Variants in RASGRF2 observed in about 807,000 individuals in gnomAD.
RASGRF2 encodes ras-specific guanine nucleotide-releasing factor 2.
In RASGRF2, 76 loss-of-function variants were observed where a neutral mutation model predicts 151.0. That is an observed-to-expected ratio of 0.50 (90% CI 0.42 to 0.61). RASGRF2 has a LOEUF of 0.61. Among genes scored for constraint, RASGRF2 ranks in the 20% least tolerant of loss-of-function variants. The probability of loss-of-function intolerance (pLI) is 0.00; values close to 1 mark genes in which losing one functional copy is unlikely to be tolerated. For missense variants in RASGRF2, 1,148 were observed against 1,564.6 expected (o/e 0.73, Z 4.49); for synonymous variants, 504 against 566.5 (o/e 0.89, Z 1.57).
At chr5:81,192,574 C>T (rs565891653) in intron 18 of RASGRF2, among the ~76,000 whole-genome samples, 1 of 152,206 alleles carries the variant, frequency 6.6e-6, no homozygotes, top group Non-Finnish European at 1.5e-5. Flanking sequence ...GGCCGGTGAG[C>T]AAGGCGAGCG....
chr5:81,112,366 T>C (rs994336081), intron 13 of RASGRF2, among the ~76,000 whole-genome samples: 6 of 152,114 alleles, frequency 3.9e-5, no homozygotes, highest in Non-Finnish European at 5.9e-5. Context: ...TGTGCATAGG[T>C]TATGTGGAAA....
intron 1 of RASGRF2, among the ~76,000 whole-genome samples, chr5:80,974,868 T>G (rs1748061105): frequency 6.6e-6 from 1 of 152,098 alleles, no homozygotes; most frequent in Admixed American, 6.6e-5. Flanking sequence ...GCCCTGTTAT[T>G]TTTTTTTCAG....
At chr5:81,151,235 C>T (rs913334156) in intron 17 of RASGRF2, among the ~76,000 whole-genome samples, 5 of 152,180 alleles carry the variant, frequency 3.3e-5, no homozygotes, top group Admixed American at 2.0e-4. Context: ...GGAGAGGCAT[C>T]CCCTGAGCAT....
At chr5:81,087,307 G>T (rs1752265788) in intron 9 of RASGRF2, 1 of 703,092 alleles carries the variant, frequency 1.4e-6, no homozygotes, top group Non-Finnish European at 2.6e-6. Context: ...CAAGGCCCAG[G>T]AGAAACTTGC....
intron 1 of RASGRF2, among the ~76,000 whole-genome samples, chr5:80,973,151 G>A (rs529082080): frequency 6.6e-6 from 1 of 152,290 alleles, no homozygotes; most frequent in East Asian, 1.9e-4. Flanking sequence ...GAAAGTGCAG[G>A]AACTGGGCCT....
intron 1 of RASGRF2, among the ~76,000 whole-genome samples, chr5:80,996,001 T>C (rs1236133951): frequency 6.6e-6 from 1 of 152,048 alleles, no homozygotes; most frequent in African/African-American, 2.4e-5. Context: ...CCCCAAACCA[T>C]TGTTTCTTGA....
At chr5:81,030,768 T>C (rs1020157197) in intron 1 of RASGRF2, among the ~76,000 whole-genome samples, 1 of 152,164 alleles carries the variant, frequency 6.6e-6, no homozygotes, top group Non-Finnish European at 1.5e-5. Flanking sequence ...CCAGCTAACA[T>C]CATAATGACA....
intron 17 of RASGRF2, among the ~76,000 whole-genome samples, chr5:81,159,856 T>A (rs4704703): frequency 0.35 from 53,823 of 152,088 alleles, 11,375 homozygotes; most frequent in African/African-American, 0.6. Context: ...CTAGTGTCCA[T>A]GCTAACGGCA....
intron 1 of RASGRF2, among the ~76,000 whole-genome samples, chr5:80,994,161 C>G (rs113429400): frequency 1.8e-4 from 27 of 151,750 alleles, no homozygotes; most frequent in South Asian, 6.2e-4. Context: ...GTCAGGAGAT[C>G]GAGACCATCC....
At chr5:81,108,527 T>C (rs78530156) in intron 12 of RASGRF2, among the ~76,000 whole-genome samples, 3,973 of 152,280 alleles carry the variant, frequency 0.026, 72 homozygotes, top group Middle Eastern at 0.048. Flanking sequence ...AGCTTACTAG[T>C]GAGACAGAAG....
intron 17 of RASGRF2, among the ~76,000 whole-genome samples, chr5:81,135,144 C>G (rs1260581715): frequency 7.4e-6 from 1 of 135,156 alleles, no homozygotes; most frequent in Non-Finnish European, 1.6e-5. Context: ...CCATTTCTAC[C>G]AAAAAAAAAA....
intron 1 of RASGRF2, among the ~76,000 whole-genome samples, chr5:81,036,079 G>A (rs1750482286): frequency 6.6e-6 from 1 of 152,116 alleles, no homozygotes; most frequent in Non-Finnish European, 1.5e-5. Flanking sequence ...TGGAGAAAAT[G>A]TACCAACAAA....
At chr5:81,050,255 T>C (rs1750969545) in intron 2 of RASGRF2, among the ~76,000 whole-genome samples, 1 of 152,186 alleles carries the variant, frequency 6.6e-6, no homozygotes, top group African/African-American at 2.4e-5. Context: ...ATCGATTCTC[T>C]ACAGTTACTA....
intron 15 of RASGRF2, among the ~76,000 whole-genome samples, chr5:81,121,170 T>C (rs1022455237): frequency 2.0e-5 from 3 of 152,056 alleles, no homozygotes; most frequent in Non-Finnish European, 2.9e-5. Flanking sequence ...TCTTAAAAAT[T>C]TGAGTTGACA....
intron 17 of RASGRF2, among the ~76,000 whole-genome samples, chr5:81,173,855 GA>G (rs1425251391): frequency 6.6e-6 from 1 of 152,198 alleles, no homozygotes; most frequent in Non-Finnish European, 1.5e-5. Flanking sequence ...CTGCTTTATA[GA>G]GAAAACTTCA....
rs571856295 is a variant in RASGRF2, at chr5:81,214,154, G to A, written c.3354+1591G>A. The stretch of plus-strand genomic sequence containing the variant: ...ATATTCTTGTCTTTGATAGGATGCT[G>A]GTTTAGGAATAACCGAACTGATCAT... On this transcript the variant is annotated intron_variant, in intron 23 of 26. Coordinates refer to ENST00000265080, the MANE Select transcript of RASGRF2 (RefSeq NM_006909.3). 5.3e-5 allele frequency among the ~76,000 whole-genome samples: 8 copies of A among 152,300 alleles called. No homozygotes were observed. In the South Asian group the frequency reaches 1.7e-3, roughly 32 times the overall value.
intron 1 of RASGRF2, among the ~76,000 whole-genome samples, chr5:81,012,283 AT>A (rs886206404): frequency 2.6e-5 from 4 of 151,252 alleles, no homozygotes; most frequent in Middle Eastern, 3.4e-3. Context: ...TGATAAAGTG[AT>A]TTTTTTTTCT....
intron 24 of RASGRF2, 44 bp from the exon 25 acceptor site, chr5:81,217,312 A>G (rs748839375): frequency 5.1e-6 from 8 of 1,556,240 alleles, no homozygotes; most frequent in Non-Finnish European, 6.9e-6. Flanking sequence ...GGAAATAGAC[A>G]TTTATTCAAA....
intron 16 of RASGRF2, among the ~76,000 whole-genome samples, chr5:81,125,277 C>A (rs946303373): frequency 1.3e-5 from 2 of 152,078 alleles, no homozygotes; most frequent in Non-Finnish European, 2.9e-5. Context: ...TTATCGGTGG[C>A]CTTAGCAGCT....
Sources: gnomAD v4.1 joint callset for allele counts (sites outside exome capture counted in the v4.1 genomes callset) on GRCh38, gnomAD v4.1.1 for gene constraint, MANE v1.5 for transcripts, NCBI Gene and HGNC (gene_info 2026-07-23, HGNC 2026-07-21) for gene names.